The following INPP4B variants were observed in gnomAD, a reference collection of about 807,000 sequenced individuals.
INPP4B encodes inositol polyphosphate-4-phosphatase type II B.
Under a neutral mutation model 122.5 loss-of-function variants are expected in INPP4B, and 55 were observed. That is an observed-to-expected ratio of 0.45 (90% confidence interval 0.36 to 0.56). The LOEUF (loss-of-function observed/expected upper bound fraction) is 0.56. INPP4B is among the 20% of genes least tolerant of loss of function. INPP4B has a pLI of 0.00. For synonymous variants in INPP4B, 403 were observed against 388.7 expected (o/e 1.04, Z -0.43); for missense variants, 1,000 against 1,097.7 (o/e 0.91, Z 1.26).
intron 1 of INPP4B, among the ~76,000 whole-genome samples, chr4:142,757,646 T>C (rs939573466): frequency 1.3e-5 from 2 of 152,178 alleles, no homozygotes; most frequent in African/African-American, 4.8e-5. Flanking sequence ...TAATTTTCCA[T>C]TGTCTGGATT....
chr4:142,265,607 A>G (rs1304213795), intron 10 of INPP4B, among the ~76,000 whole-genome samples: 1 of 152,206 alleles, frequency 6.6e-6, no homozygotes, highest in Non-Finnish European at 1.5e-5. Flanking sequence ...TATCTCAAAC[A>G]TCGATATTCT....
chr4:142,072,285 A>T (rs1268637868), intron 25 of INPP4B, among the ~76,000 whole-genome samples: 1 of 151,722 alleles, frequency 6.6e-6, no homozygotes, highest in East Asian at 2.0e-4. Flanking sequence ...GAATTGAACA[A>T]TGAGAACACT....
intron 2 of INPP4B, among the ~76,000 whole-genome samples, chr4:142,523,903 C>T (rs1156960911): frequency 7.0e-6 from 1 of 143,542 alleles, no homozygotes; most frequent in Non-Finnish European, 1.5e-5. Context: ...TGAGAATATG[C>T]GGTGTTTGGT....
intron 5 of INPP4B, among the ~76,000 whole-genome samples, chr4:142,415,285 T>C (rs1162009642): frequency 3.3e-5 from 5 of 151,892 alleles, no homozygotes; most frequent in African/African-American, 1.2e-4. Context: ...ACAGGAAGGG[T>C]GGCAGGAAAG....
intron 3 of INPP4B, among the ~76,000 whole-genome samples, chr4:142,460,349 C>T (rs1816446760): frequency 6.6e-6 from 1 of 152,050 alleles, no homozygotes; most frequent in Admixed American, 6.6e-5. Context: ...TACAAGACTC[C>T]TGATGATTTG....
chr4:142,208,025 CA>C (rs989752467), intron 14 of INPP4B, among the ~76,000 whole-genome samples: 6 of 149,914 alleles, frequency 4.0e-5, no homozygotes, highest in African/African-American at 9.8e-5. Flanking sequence ...ATCAGTAAGT[CA>C]AAAAAAAACC....
intron 1 of INPP4B, among the ~76,000 whole-genome samples, chr4:142,756,815 A>C (rs1580845720): frequency 6.6e-6 from 1 of 152,142 alleles, no homozygotes; most frequent in Non-Finnish European, 1.5e-5. Context: ...TGAAAACAAC[A>C]ATGATAATAT....
chr4:142,210,454 GA>G (rs772217195), intron 12 of INPP4B, among the ~76,000 whole-genome samples: 6 of 150,916 alleles, frequency 4.0e-5, no homozygotes, highest in South Asian at 2.1e-4. Flanking sequence ...ATAGAGTAAA[GA>G]AAAAAAAATC....
At chr4:142,097,797 A>G (rs1782635104) in intron 23 of INPP4B, among the ~76,000 whole-genome samples, 1 of 152,192 alleles carries the variant, frequency 6.6e-6, no homozygotes, top group Non-Finnish European at 1.5e-5. Flanking sequence ...TACTTTTCAT[A>G]GTCTTCATTA....
intron 2 of INPP4B, among the ~76,000 whole-genome samples, chr4:142,670,275 G>A (rs1756805774): frequency 6.6e-6 from 1 of 152,078 alleles, no homozygotes; most frequent in Non-Finnish European, 1.5e-5. Context: ...ATATGATCCA[G>A]CAACCCCACT....
At chr4:142,720,525 C>T (rs1192826646) in intron 2 of INPP4B, among the ~76,000 whole-genome samples, 1 of 150,868 alleles carries the variant, frequency 6.6e-6, no homozygotes, top group Admixed American at 6.8e-5. Context: ...GCACATCCTC[C>T]CAGACACTTT....
chr4:142,173,853 G>T, intron 15 of INPP4B, 44 bp from the exon 16 acceptor site: 1 of 1,484,578 alleles, frequency 6.7e-7, no homozygotes, highest in Non-Finnish European at 9.4e-7. Flanking sequence ...ACAGCATAAT[G>T]AATGTTCAGC....
At chr4:142,452,248 C>A (rs1226249063) in intron 3 of INPP4B, among the ~76,000 whole-genome samples, 2 of 152,114 alleles carry the variant, frequency 1.3e-5, no homozygotes, top group Admixed American at 1.3e-4. Context: ...GACGAGGCAC[C>A]CTTAATTGTG....
intron 11 of INPP4B, among the ~76,000 whole-genome samples, chr4:142,242,504 T>C (rs1208678938): frequency 6.6e-6 from 1 of 152,232 alleles, no homozygotes; most frequent in Non-Finnish European, 1.5e-5. Flanking sequence ...GCCTTAGTTC[T>C]GTTCATTCTG....
In INPP4B at chr4:142,669,488, G is replaced by A. The variant is rs372305091; in HGVS notation, c.-191+56351C>T. On this transcript the variant is annotated intron_variant, in intron 2 of 25. Transcript: ENST00000262992. ...GACACAGAGACCAATGAAGCAGAAA[G>A]GAGAGCCCAGAAATAAATTCACACA... Among the ~76,000 whole-genome samples, 289 of 152,142 alleles carry A rather than the reference G, an allele frequency of 1.9e-3. 2 individuals are homozygous for A. The highest frequency in any genetic ancestry group is 6.5e-3 in the African/African-American group (271 of 41,502).
Position 142,586,032 on chromosome 4 carries a change from G to A in INPP4B, c.-190-123306C>T, listed in dbSNP as rs546261903. 7.9e-5 allele frequency among the ~76,000 whole-genome samples: 12 copies of A among 152,094 alleles called. No homozygotes were observed. In the South Asian group the frequency reaches 1.9e-3, roughly 24 times the overall value. ...TTCTACAGAATCCTTAAATTGGGCC[G>A]GGAGTGGTGGCTCATGCCTGTAATC... On this transcript the variant is annotated intron_variant, in intron 2 of 25. Transcript: ENST00000262992.
chr4:142,371,523 T>C (rs1789907154), intron 7 of INPP4B, among the ~76,000 whole-genome samples: 2 of 152,066 alleles, frequency 1.3e-5, no homozygotes, highest in South Asian at 2.1e-4. Context: ...GCAAACTGTT[T>C]ATCTGACAAG....
intron 7 of INPP4B, among the ~76,000 whole-genome samples, chr4:142,336,713 C>T (rs995408050): frequency 6.6e-6 from 1 of 152,196 alleles, no homozygotes; most frequent in Non-Finnish European, 1.5e-5. Context: ...GGCCCAGTCA[C>T]GGGCTGCAGC....
chr4:142,606,314 G>T (rs571835858), intron 2 of INPP4B, among the ~76,000 whole-genome samples: 73 of 151,848 alleles, frequency 4.8e-4, no homozygotes, highest in African/African-American at 1.7e-3. Flanking sequence ...TTAGATAGAA[G>T]AAATAAGTTC....
Sources: gnomAD v4.1 joint callset for allele counts (sites outside exome capture counted in the v4.1 genomes callset) on GRCh38, gnomAD v4.1.1 for gene constraint, MANE v1.5 for transcripts, NCBI Gene and HGNC (gene_info 2026-07-23, HGNC 2026-07-21) for gene names.